The following NTM variants were observed in gnomAD, a reference collection of about 807,000 sequenced individuals.
NTM encodes IgLON family member 2.
NTM carries 13 observed loss-of-function variants against 42.1 expected under a neutral mutation model. The observed-to-expected ratio is 0.31, with a 90% CI of 0.20 to 0.49. The LOEUF is 0.49. Among genes scored for constraint, NTM ranks in the 20% least tolerant of loss-of-function variants. NTM has a pLI of 0.99. For synonymous variants in NTM, 187 were observed against 179.2 expected (o/e 1.04, Z -0.35); for missense variants, 373 against 452.8 (o/e 0.82, Z 1.60).
At chr11:131,403,997 C>T (rs1321225791) in intron 1 of NTM, among the ~76,000 whole-genome samples, 3 of 152,174 alleles carry the variant, frequency 2.0e-5, no homozygotes, top group South Asian at 2.1e-4. Context: ...ATTTCCTCTC[C>T]ACTCGGTCAC....
chr11:131,605,076 C>T (rs1412012258), intron 1 of NTM, among the ~76,000 whole-genome samples: 1 of 151,272 alleles, frequency 6.6e-6, no homozygotes, highest in African/African-American at 2.4e-5. Flanking sequence ...ATTTTAGGAT[C>T]ATCTTGTCAA....
chr11:131,456,727 G>A (rs1950930598), intron 1 of NTM, among the ~76,000 whole-genome samples: 1 of 152,234 alleles, frequency 6.6e-6, no homozygotes, highest in Non-Finnish European at 1.5e-5. Flanking sequence ...GTAAGGGCTT[G>A]TGCATGCCTA....
intron 1 of NTM, among the ~76,000 whole-genome samples, chr11:131,882,142 C>A (rs899080487): frequency 2.0e-5 from 3 of 152,146 alleles, no homozygotes; most frequent in African/African-American, 7.2e-5. Flanking sequence ...TCTAGAGAAT[C>A]AGAGTTGGTA....
rs185679416 is a variant in NTM at position 131,768,409 on chromosome 11, T to C, written c.83-143155T>C. Reference sequence around the variant, plus strand: ...CTGGGATTACAGGCGTGAGCCACTGTGCTTGGCTGTGAAAATGTAATTCAG... The same window carrying C: ...CTGGGATTACAGGCGTGAGCCACTGCGCTTGGCTGTGAAAATGTAATTCAG... On this transcript the variant is annotated intron_variant, in intron 1 of 8. Transcript: ENST00000683400. Among the ~76,000 whole-genome samples, 4 of 152,270 alleles carry C rather than the reference T, an allele frequency of 2.6e-5. No individual in the cohort carries two copies. In the East Asian group the frequency reaches 5.8e-4, roughly 22 times the overall value.
Position 131,818,013 on chromosome 11 carries a change from T to C in NTM, c.83-93551T>C, listed in dbSNP as rs1001821489. ...TCACCAGCAACAACACTGAAGATGA[T>C]AGGCGGGGGAGCAGGGGTGTTGACA... On this transcript the variant is annotated intron_variant, in intron 1 of 8. Coordinates refer to ENST00000683400, the MANE Select transcript of NTM (RefSeq NM_001352005.2). Among the ~76,000 whole-genome samples, 5 of 151,664 alleles carry C rather than the reference T, an allele frequency of 3.3e-5. No homozygotes were observed. In the East Asian group the frequency reaches 9.6e-4, roughly 29 times the overall value.
chr11:132,189,760 G>C (rs2079005190), intron 3 of NTM, among the ~76,000 whole-genome samples: 1 of 152,122 alleles, frequency 6.6e-6, no homozygotes, highest in Non-Finnish European at 1.5e-5. Context: ...AGAAACCTTT[G>C]CCAGAAATAT....
intron 2 of NTM, among the ~76,000 whole-genome samples, chr11:131,956,257 A>G (rs1308799802): frequency 6.6e-6 from 1 of 152,114 alleles, no homozygotes; most frequent in Non-Finnish European, 1.5e-5. Flanking sequence ...AATGGCAGGG[A>G]GAAGCTGGGT....
chr11:131,599,553 C>A (rs2060285138), intron 1 of NTM, among the ~76,000 whole-genome samples: 1 of 152,320 alleles, frequency 6.6e-6, no homozygotes, highest in African/African-American at 2.4e-5. Flanking sequence ...TTTTATTGGC[C>A]ATATTATTTA....
At chr11:132,256,835 A>G (rs1286783194) in intron 4 of NTM, among the ~76,000 whole-genome samples, 2 of 152,130 alleles carry the variant, frequency 1.3e-5, no homozygotes, top group Admixed American at 6.5e-5. Context: ...CCTGCCGCCC[A>G]CGGACCCGTG....
chr11:131,857,962 C>T (rs116850462), intron 1 of NTM, among the ~76,000 whole-genome samples: 2,774 of 152,136 alleles, frequency 0.018, 23 homozygotes, highest in Middle Eastern at 0.027. Flanking sequence ...TTCCTGACAG[C>T]TCTCCCCCTT....
At chr11:131,442,895 G>A (rs1949740405) in intron 1 of NTM, among the ~76,000 whole-genome samples, 1 of 151,974 alleles carries the variant, frequency 6.6e-6, no homozygotes, top group Admixed American at 6.6e-5. Flanking sequence ...GGACACTTAG[G>A]TTGATTCTGT....
chr11:132,327,497 G>A (rs981026502), intron 7 of NTM, among the ~76,000 whole-genome samples: 1 of 152,166 alleles, frequency 6.6e-6, no homozygotes, highest in Non-Finnish European at 1.5e-5. Flanking sequence ...GCATTTCTAT[G>A]GTATATGTGT....
At chr11:132,271,546 C>T (rs1292812965) in intron 4 of NTM, among the ~76,000 whole-genome samples, 4 of 152,158 alleles carry the variant, frequency 2.6e-5, no homozygotes, top group Non-Finnish European at 4.4e-5. Flanking sequence ...TCAACATCTA[C>T]ACCAACACTT....
chr11:131,719,806 G>C, intron 1 of NTM, among the ~76,000 whole-genome samples: 1 of 152,268 alleles, frequency 6.6e-6, no homozygotes, highest in South Asian at 2.1e-4. Context: ...CACTCTCCAG[G>C]ATCTAAGTGG....
chr11:132,136,351 A>G (rs993019958), intron 2 of NTM, among the ~76,000 whole-genome samples: 2 of 152,194 alleles, frequency 1.3e-5, no homozygotes, highest in Non-Finnish European at 2.9e-5. Flanking sequence ...AGGTGAGAGG[A>G]TGTGTTGCCA....
Position 132,329,727 on chromosome 11 carries a change from A to C in NTM, c.935-426A>C, listed in dbSNP as rs568449814. Reference sequence around the variant, plus strand: ...AAATCCATATGTAGCAATCAACTTTATACGTAAGACCTACAGGCTTCAACT... The same window carrying C: ...AAATCCATATGTAGCAATCAACTTTCTACGTAAGACCTACAGGCTTCAACT... On this transcript the variant is annotated intron_variant, in intron 7 of 8. Coordinates refer to ENST00000683400, the MANE Select transcript of NTM (RefSeq NM_001352005.2). Among the ~76,000 whole-genome samples, 75 of 152,368 alleles carry C rather than the reference A, an allele frequency of 4.9e-4. 1 individual carries two copies. The South Asian group carries it at 9.7e-3, about 20-fold the overall frequency.
chr11:131,863,086 A>T (rs1310532295), intron 1 of NTM, among the ~76,000 whole-genome samples: 2 of 152,190 alleles, frequency 1.3e-5, no homozygotes, highest in Non-Finnish European at 2.9e-5. Flanking sequence ...GACTTCCTCC[A>T]TTTGCAAAAT....
chr11:131,499,173 G>A (rs1223449186), intron 1 of NTM, among the ~76,000 whole-genome samples: 1 of 152,120 alleles, frequency 6.6e-6, no homozygotes, highest in Non-Finnish European at 1.5e-5. Flanking sequence ...ACATAGATTC[G>A]ATGGTTCTAC....
chr11:131,818,420 CCT>C (rs1286561602), intron 1 of NTM, among the ~76,000 whole-genome samples: 1 of 152,036 alleles, frequency 6.6e-6, no homozygotes, highest in Non-Finnish European at 1.5e-5. Context: ...GGACTATATC[CCT>C]CTTGGCTCTA....
Sources: allele counts gnomAD v4.1 joint callset (sites outside exome capture counted in the v4.1 genomes callset), GRCh38; gene constraint gnomAD v4.1.1; transcripts MANE v1.5; gene names NCBI Gene and HGNC (gene_info 2026-07-23, HGNC 2026-07-21).